Variants in WDR7 observed in about 807,000 individuals in gnomAD.
WDR7 encodes the protein WD repeat domain 7.
A neutral mutation model predicts 169.4 loss-of-function variants in WDR7; 46 were observed. The ratio of observed to expected loss-of-function variants is 0.27; its 90% CI spans 0.21 to 0.35. WDR7 has a LOEUF of 0.35. Among genes scored for constraint, WDR7 ranks in the 10% least tolerant of loss-of-function variants. WDR7 has a pLI of 1.00. For missense variants in WDR7, 1,534 were observed against 1,859.3 expected, an observed-to-expected ratio of 0.83 and a Z score of 3.22; for synonymous variants, 612 against 666.8, an observed-to-expected ratio of 0.92 and a Z score of 1.27.
intron 12 of WDR7, among the ~76,000 whole-genome samples, chr18:56,700,520 G>T (rs1291537074): frequency 2.0e-5 from 3 of 147,738 alleles, no homozygotes; most frequent in African/African-American, 7.5e-5. Context: ...CTCTCAAAGT[G>T]CTGGGATTAC....
chr18:56,898,235 AC>A (rs1568254833), intron 21 of WDR7, among the ~76,000 whole-genome samples: 1 of 152,092 alleles, frequency 6.6e-6, no homozygotes, highest in East Asian at 1.9e-4. Flanking sequence ...AGAATAAAAT[AC>A]CCATGAAGCC....
At chr18:56,662,434 G>A (rs1187074397) in intron 1 of WDR7, among the ~76,000 whole-genome samples, 5 of 152,080 alleles carry the variant, frequency 3.3e-5, no homozygotes, top group East Asian at 1.9e-4. Context: ...TCAGAATATC[G>A]CCCCATAGGT....
chr18:56,723,945 C>T (rs2026379607), intron 13 of WDR7, among the ~76,000 whole-genome samples: 1 of 151,542 alleles, frequency 6.6e-6, no homozygotes, highest in African/African-American at 2.4e-5. Context: ...ATATTTTCTT[C>T]TATAATGTCT....
rs369267320 is a variant in WDR7, at chr18:56,776,183, T to TA, written c.2849-587dup. ...GCATAGGGAGTATTTGTGAAATAATTAAAAAAAAAAAACTCCAATGAATGA... is the reference window on the plus strand; with the variant it reads ...GCATAGGGAGTATTTGTGAAATAATTAAAAAAAAAAAAACTCCAATGAATGA... On this transcript the variant is annotated intron_variant, in intron 16 of 27. Transcript: ENST00000254442. Among the ~76,000 whole-genome samples the TA allele has an allele frequency of 6.9e-3, 995 of 144,522 alleles. 2 individuals carry two copies. The highest frequency in any genetic ancestry group is 0.011 in the African/African-American group (444 of 39,748). 94.8% of individuals were successfully genotyped at this position (144,522 alleles called of 152,430 possible).
Position 56,871,713 on chromosome 18 carries a change from T to G in WDR7, c.3305-8231T>G, listed in dbSNP as rs2045955685. ...TATTTGTATCATTGTGAATTTCGTT[T>G]GGACTCCATCTTGTGCCAGAAATTT... is the stretch of plus-strand genomic sequence containing the variant. On this transcript the variant is annotated intron_variant, in intron 20 of 27. Transcript: ENST00000254442. Among the ~76,000 whole-genome samples the G allele has an allele frequency of 2.0e-5, 3 of 152,094 alleles. No individual in the cohort carries two copies. In the South Asian group the frequency reaches 6.2e-4, roughly 31 times the overall value.
At chr18:56,729,679 C>T (rs1446603625) in intron 13 of WDR7, among the ~76,000 whole-genome samples, 4 of 151,942 alleles carry the variant, frequency 2.6e-5, no homozygotes, top group African/African-American at 2.4e-5. Flanking sequence ...TTTTCTATTA[C>T]GATTAAGACA....
intron 21 of WDR7, among the ~76,000 whole-genome samples, chr18:56,900,145 G>T (rs570761498): frequency 8.4e-4 from 125 of 149,216 alleles, no homozygotes; most frequent in African/African-American, 2.9e-3. Flanking sequence ...AGGCATTTTA[G>T]TAAATTTTCA....
chr18:56,696,185 A>G (rs2025699123), intron 11 of WDR7, 57 bp from the exon 12 acceptor site: 8 of 1,403,508 alleles, frequency 5.7e-6, no homozygotes, highest in Non-Finnish European at 7.8e-6. Context: ...ACTTTTACTT[A>G]CTGAAACTTG....
Position 57,017,412 on chromosome 18 carries a change from C to CTGTGTG in WDR7, c.4165-3306_4165-3301dup, listed in dbSNP as rs10571337. The stretch of plus-strand genomic sequence containing the variant: ...CTGTAGGGCACCTAGCAGCATCATG[C>CTGTGTG]TGTGTGTGTGTGTGTGTGTGTGTGT... On this transcript the variant is annotated intron_variant, in intron 26 of 27. Transcript: ENST00000254442. Among the ~76,000 whole-genome samples the CTGTGTG allele has an allele frequency of 9.6e-3, 1,375 of 143,728 alleles. 17 individuals are homozygous for CTGTGTG. Among genetic ancestry groups the CTGTGTG allele is most frequent in the African/African-American group, 0.034 (1,287 of 38,072 alleles). The allele number at this position is 143,728 out of a possible 152,430, so 94.3% of individuals were successfully genotyped here.
intron 21 of WDR7, among the ~76,000 whole-genome samples, chr18:56,905,598 A>G (rs893135154): frequency 6.9e-6 from 1 of 145,392 alleles, no homozygotes; most frequent in African/African-American, 2.5e-5. Flanking sequence ...AACTACATGA[A>G]ATTTTATTTA....
chr18:56,671,055 CAT>C (rs900752779), intron 1 of WDR7, among the ~76,000 whole-genome samples: 1 of 152,180 alleles, frequency 6.6e-6, no homozygotes, highest in African/African-American at 2.4e-5. Flanking sequence ...AATACTTCCT[CAT>C]ATGTGCTCTC....
At chr18:56,703,927 T>C (rs2025892633) in intron 12 of WDR7, among the ~76,000 whole-genome samples, 1 of 152,154 alleles carries the variant, frequency 6.6e-6, no homozygotes, top group Admixed American at 6.5e-5. Context: ...AAAAAGGGCA[T>C]ATTAATTTTT....
At chr18:56,768,582 GT>G (rs1402208428) in intron 16 of WDR7, among the ~76,000 whole-genome samples, 1 of 152,124 alleles carries the variant, frequency 6.6e-6, no homozygotes, top group Non-Finnish European at 1.5e-5. Flanking sequence ...CCAATTTAGG[GT>G]TGGAAGTGGT....
intron 20 of WDR7, among the ~76,000 whole-genome samples, chr18:56,836,337 G>A (rs902097029): frequency 6.6e-6 from 1 of 152,176 alleles, no homozygotes. Flanking sequence ...CCTCACTGTT[G>A]CTGACAATGT....
intron 19 of WDR7, among the ~76,000 whole-genome samples, chr18:56,809,835 A>C (rs1329554354): frequency 6.6e-6 from 1 of 152,090 alleles, no homozygotes; most frequent in Non-Finnish European, 1.5e-5. Context: ...TAAAATGCAC[A>C]CTTTTAAACA....
chr18:56,967,805 A>T (rs1244740776), intron 26 of WDR7, among the ~76,000 whole-genome samples: 1 of 152,230 alleles, frequency 6.6e-6, no homozygotes, highest in Non-Finnish European at 1.5e-5. Context: ...AGGCATTTAC[A>T]TTTAACAAAA....
chr18:56,867,010 C>CTTATT (rs2045891400), intron 20 of WDR7, among the ~76,000 whole-genome samples: 1 of 148,468 alleles, frequency 6.7e-6, no homozygotes, highest in African/African-American at 2.6e-5. Context: ...TATTTACTTA[C>CTTATT]TTATTTATTT....
chr18:56,687,142 G>A (rs577085), intron 7 of WDR7, among the ~76,000 whole-genome samples, 168 bp downstream of exon 7: 139,930 of 152,250 alleles, frequency 0.92, 65,440 homozygotes, highest in East Asian at 1. Flanking sequence ...TTGGCTATAT[G>A]TAGTTGTCTT....
Position 56,757,081 on chromosome 18 carries a change from C to T in WDR7, c.2488C>T (p.His830Tyr), listed in dbSNP as rs750932896. The T allele has an allele frequency of 6.2e-7, 1 of 1,614,124 alleles. No homozygotes were observed. Reference protein sequence around the residue: ...CLDRLGMLKPHCTVSFGLLSR... With the variant: ...CLDRLGMLKPYCTVSFGLLSR... ...GGATCGCCTTGGAATGCTGAAACCCCACTGCACCGTATCGTTTGGCCTCTT... is the reference window on the plus strand; with the variant it reads ...GGATCGCCTTGGAATGCTGAAACCCTACTGCACCGTATCGTTTGGCCTCTT... The change falls in exon 15 of 28, where the codon CAC (histidine) becomes TAC (tyrosine). Residue 830 changes from histidine to tyrosine, a missense_variant. His to Tyr is a moderately conservative substitution (Grantham distance 83). Coordinates refer to ENST00000254442, the MANE Select transcript of WDR7 (RefSeq NM_015285.3).
Sources: gnomAD v4.1 joint callset for allele counts (sites outside exome capture counted in the v4.1 genomes callset) on GRCh38, gnomAD v4.1.1 for gene constraint, MANE v1.5 for transcripts, NCBI Gene and HGNC (gene_info 2026-07-23, HGNC 2026-07-21) for gene names.